CUBN: variants seen among roughly 807,000 people sequenced by gnomAD.
The protein encoded by CUBN is cubilin.
In CUBN, 282 loss-of-function variants were observed where a neutral mutation model predicts 405.3. The observed-to-expected ratio is 0.70, with a 90% CI of 0.63 to 0.77. CUBN has a LOEUF of 0.77. Among genes scored for constraint, CUBN ranks in the 30% least tolerant of loss-of-function variants. The probability of loss-of-function intolerance (pLI) is 0.00; values close to 1 mark genes in which losing one functional copy is unlikely to be tolerated. For missense variants in CUBN, 4,514 were observed against 4,475.2 expected (o/e 1.01, Z -0.25); for synonymous variants, 1,684 against 1,617.0 (o/e 1.04, Z -0.99).
At chr10:17,013,372 C>G (rs1834239354) in intron 28 of CUBN, among the ~76,000 whole-genome samples, 2 of 151,654 alleles carry the variant, frequency 1.3e-5, no homozygotes, top group African/African-American at 2.4e-5. Context: ...CCTTCTCTTT[C>G]TTTCTCTTTC....
At position 16,906,365 on chromosome 10, in the gene CUBN, A is replaced by G. The variant is rs769763299; in HGVS notation, c.7750T>C (p.Ser2584Pro). ...TTCCTGACTCCGTCATAGCCAGGAG[A>G]AGTAAAGTTTCCTTCAGGAGTATTT... Reference protein sequence around the residue: ...LPNTPEGNFTSPGYDGVRNYS... With the variant: ...LPNTPEGNFTPPGYDGVRNYS... Residue 2584 changes from serine to proline, a missense_variant, in exon 50 of 67, where the codon TCT (serine) becomes CCT (proline). Physicochemically the swap from Ser to Pro is moderately conservative, Grantham distance 74. Coordinates refer to ENST00000377833, the MANE Select transcript of CUBN (RefSeq NM_001081.4). The G allele has an allele frequency of 6.2e-7, 1 of 1,614,024 alleles. No homozygotes were observed.
chr10:16,876,019 G>A (rs60720446), intron 57 of CUBN, among the ~76,000 whole-genome samples: 3,975 of 152,328 alleles, frequency 0.026, 174 homozygotes, highest in African/African-American at 0.089. Context: ...TCAGGATGCC[G>A]ATAGCAGCTA....
In CUBN at chr10:17,033,616, G is replaced by A. The variant is rs938109681; in HGVS notation, c.4017+7417C>T. On this transcript the variant is annotated intron_variant, in intron 27 of 66. Transcript: ENST00000377833. ...TAATTGTGTTTTAATTTGGCATATC[G>A]CAGATTTATTAGAATATAGGTCTCT... 3.9e-5 allele frequency among the ~76,000 whole-genome samples: 6 copies of A among 152,146 alleles called. No individual in the cohort carries two copies. In the East Asian group the frequency reaches 5.8e-4, roughly 15 times the overall value.
At chr10:17,085,141 G>A (rs1836077071) in intron 16 of CUBN, among the ~76,000 whole-genome samples, 1 of 152,146 alleles carries the variant, frequency 6.6e-6, no homozygotes, top group African/African-American at 2.4e-5. Context: ...AAGCAACTGA[G>A]GTCCTAACAG....
At chr10:16,969,751 A>T (rs1004168193) in intron 31 of CUBN, among the ~76,000 whole-genome samples, 6 of 152,064 alleles carry the variant, frequency 3.9e-5, no homozygotes, top group Non-Finnish European at 8.8e-5. Context: ...ATGTGGGCTT[A>T]GCTTGCCTCA....
At chr10:16,857,980 A>G (rs1839908175) in intron 59 of CUBN, among the ~76,000 whole-genome samples, 1 of 152,196 alleles carries the variant, frequency 6.6e-6, no homozygotes, top group African/African-American at 2.4e-5. Flanking sequence ...ATAAAGGAAC[A>G]ATACACAAAA....
intron 59 of CUBN, among the ~76,000 whole-genome samples, chr10:16,864,024 C>A (rs1294792740): frequency 6.7e-6 from 1 of 149,422 alleles, no homozygotes. Context: ...TTATATAAAC[C>A]AGGATTGAAT....
At chr10:16,971,813 TA>T (rs1564454750) in intron 31 of CUBN, among the ~76,000 whole-genome samples, 1 of 152,146 alleles carries the variant, frequency 6.6e-6, no homozygotes, top group Non-Finnish European at 1.5e-5. Context: ...CCATTTTTTT[TA>T]AAAAACCAAC....
chr10:16,837,984 G>C (rs1325941591), intron 62 of CUBN, among the ~76,000 whole-genome samples: 3 of 152,142 alleles, frequency 2.0e-5, no homozygotes, highest in African/African-American at 7.2e-5. Flanking sequence ...TGAAGCCAGG[G>C]AAAATTGAGA....
At chr10:17,113,953 T>G in intron 8 of CUBN, 74 bp downstream of exon 8, 1 of 1,426,162 alleles carries the variant, frequency 7.0e-7, no homozygotes, top group South Asian at 1.2e-5. Context: ...TACTCATCAA[T>G]AGTGAAAGAA....
chr10:17,111,797 G>T (rs543413031), intron 8 of CUBN, among the ~76,000 whole-genome samples: 29 of 152,266 alleles, frequency 1.9e-4, no homozygotes, highest in African/African-American at 6.7e-4. Flanking sequence ...GGTGGTTCAC[G>T]CCTGTAGTCC....
At chr10:16,959,527 C>A (rs1843160373) in intron 31 of CUBN, among the ~76,000 whole-genome samples, 1 of 151,880 alleles carries the variant, frequency 6.6e-6, no homozygotes, top group Middle Eastern at 3.4e-3. Flanking sequence ...ACTCAGGAGG[C>A]TGAGGCAGGA....
In CUBN at chr10:16,948,549, G is replaced by A. The variant is rs764580471; in HGVS notation, c.5138C>T (p.Thr1713Met). Residue 1713 changes from threonine (T) to methionine (M), a missense_variant, in exon 35 of 67, where the codon ACG becomes ATG. By Grantham distance (81) the Thr-to-Met change is moderately conservative. This residue lies in a region of CUBN where 1,613 missense variants were observed against 1,542.8 expected (regional missense o/e 1.05). Transcript: ENST00000377833. ...HPITSFSSAL[T>M]LRFVSDSSIS... ...GCTAGAATCAGAGACGAATCTCAGC[G>A]TCAGGGCGCTGCTGAAGGATGTGAT... is the stretch of plus-strand genomic sequence containing the variant. 4.3e-5 allele frequency: 69 copies of A among 1,613,964 alleles called. No individual in the cohort carries two copies. The highest frequency in any genetic ancestry group is 1.5e-4 in the South Asian group (14 of 91,082).
chr10:16,917,252 TA>T (rs1243107580), intron 45 of CUBN, among the ~76,000 whole-genome samples: 1 of 152,182 alleles, frequency 6.6e-6, no homozygotes, highest in Non-Finnish European at 1.5e-5. Context: ...TTTTATTACT[TA>T]AAGTAATAAA....
chr10:16,882,628 G>A (rs1051681340), intron 56 of CUBN, among the ~76,000 whole-genome samples: 10 of 152,212 alleles, frequency 6.6e-5, no homozygotes, highest in South Asian at 4.1e-4. Context: ...GGCGTGGGCC[G>A]AGACACCAAA....
intron 27 of CUBN, among the ~76,000 whole-genome samples, chr10:17,037,004 A>G (rs1346469385): frequency 6.6e-6 from 1 of 152,136 alleles, no homozygotes; most frequent in Non-Finnish European, 1.5e-5. Flanking sequence ...TGAACAACCT[A>G]TATCTGCCTC....
chr10:16,933,754 T>C (rs1407214203), intron 39 of CUBN, among the ~76,000 whole-genome samples: 2 of 152,208 alleles, frequency 1.3e-5, no homozygotes, highest in Admixed American at 1.3e-4. Context: ...GTGTGTGGCC[T>C]TCTAGATTTC....
intron 17 of CUBN, among the ~76,000 whole-genome samples, chr10:17,075,201 A>C (rs1835831841): frequency 6.9e-6 from 1 of 145,558 alleles, no homozygotes; most frequent in Admixed American, 7.2e-5. Flanking sequence ...CTCCTGCCTC[A>C]GCCTCCCAAA....
At chr10:16,851,186 T>G (rs1422157816) in intron 60 of CUBN, 49 bp downstream of exon 60, 2 of 1,416,658 alleles carry the variant, frequency 1.4e-6, no homozygotes. Flanking sequence ...ATACACTATA[T>G]TAGAGTCTGG....
Sources: allele counts gnomAD v4.1 joint callset (sites outside exome capture counted in the v4.1 genomes callset), GRCh38; gene constraint gnomAD v4.1.1; regional missense constraint gnomAD v4.1.1; transcripts MANE v1.5; gene names NCBI Gene and HGNC (gene_info 2026-07-23, HGNC 2026-07-21).